The following NOTCH3 variants were observed in gnomAD, a reference collection of about 807,000 sequenced individuals.
NOTCH3 encodes neurogenic locus notch homolog protein 3.
In NOTCH3, 86 loss-of-function variants were observed where a neutral mutation model predicts 213.3. The observed-to-expected ratio is 0.40, with a 90% CI of 0.34 to 0.48. The LOEUF (loss-of-function observed/expected upper bound fraction) is 0.48, where lower values mean the gene tolerates loss of function less well. Among genes scored for constraint, NOTCH3 ranks in the 20% least tolerant of loss-of-function variants. The pLI is 0.57. For missense variants in NOTCH3, 2,783 were observed against 3,272.6 expected (o/e 0.85, Z 3.65); for synonymous variants, 1,354 against 1,355.9 (o/e 1.00, Z 0.03).
At position 15,184,940 on chromosome 19, in the gene NOTCH3, C is replaced by A. The variant is rs2145428606; in HGVS notation, c.2376G>T (p.Gln792His). The A allele has an allele frequency of 6.5e-7, 1 of 1,549,850 alleles. No homozygotes were observed. ...HGGRCESAPGQLPVCSCPQGW... is the reference protein window; with the variant it reads ...HGGRCESAPGHLPVCSCPQGW... ...CCTGGGGGCAGGAGCAGACAGGCAG[C>A]TGGCCAGGGGCAGACTCGCAGCGGC... The change falls in exon 15 of 33, where the codon CAG becomes CAT. Residue 792 changes from glutamine to histidine, a missense_variant. Physicochemically the swap from Gln to His is conservative, Grantham distance 24. This residue lies in a region of NOTCH3 where 861 missense variants were observed against 909.1 expected (regional missense o/e 0.95). Transcript: ENST00000263388.
At chr19:15,195,287 T>G (rs1362718753) in intron 2 of NOTCH3, among the ~76,000 whole-genome samples, 2 of 151,684 alleles carry the variant, frequency 1.3e-5, no homozygotes, top group Non-Finnish European at 2.9e-5. Context: ...GGGGGGGTGG[T>G]CCTTCAACCT....
In NOTCH3 at chr19:15,167,266, A is replaced by G. The variant is rs2145394554; in HGVS notation, c.5345T>C (p.Val1782Ala). Reference protein sequence around the residue: ...QGDADADGMDVNVRGPDGFTP... With the variant: ...QGDADADGMDANVRGPDGFTP... ...TCACTAACCTGGGCCACGCACATTGACATCCATGCCATCAGCATCTGCGTC... is the reference window on the plus strand; with the variant it reads ...TCACTAACCTGGGCCACGCACATTGGCATCCATGCCATCAGCATCTGCGTC... The change falls in exon 29 of 33, where the codon GTC (valine) becomes GCC (alanine). Residue 1782 changes from valine to alanine, a missense_variant. Val to Ala is a moderately conservative substitution (Grantham distance 64). Transcript: ENST00000263388. The G allele has an allele frequency of 6.2e-7, 1 of 1,612,970 alleles. No individual in the cohort carries two copies. Among genetic ancestry groups the G allele is most frequent in the East Asian group, 2.2e-5 (1 of 44,828 alleles).
In NOTCH3 at chr19:15,189,256, G is replaced by GGA. The variant is rs2046909182; in HGVS notation, c.1192+16_1192+17insTC. ...CCTCTTTCCCAGCCCATTCACAGAC[G>GGA]ATGGAGCTCCCCTCACCGATAGAGC... On this transcript the variant is annotated intron_variant, in intron 7 of 32. Transcript: ENST00000263388. The GGA allele has an allele frequency of 1.9e-6, 3 of 1,613,918 alleles. No homozygotes were observed. The highest frequency in any genetic ancestry group is 2.5e-6 in the Non-Finnish European group (3 of 1,180,016).
In NOTCH3 at chr19:15,190,775, T is replaced by G. The variant is rs2046920693; in HGVS notation, c.1036+649A>C. Among the ~76,000 whole-genome samples the G allele has an allele frequency of 2.6e-5, 4 of 152,134 alleles. No individual in the cohort carries two copies. In the South Asian group the frequency reaches 6.2e-4, roughly 24 times the overall value. ...TAATTTTTTGTATTTTTGGTAGAGA[T>G]AGGGTTTTGCCATGTTGCCCAGGCT... is the stretch of plus-strand genomic sequence containing the variant. On this transcript the variant is annotated intron_variant, in intron 6 of 32. Coordinates refer to ENST00000263388, the MANE Select transcript of NOTCH3 (RefSeq NM_000435.3).
Position 15,191,456 on chromosome 19 carries a change from G to C in NOTCH3, c.1004C>G (p.Ser335Cys), listed in dbSNP as rs2145439640. 1 of 1,613,504 alleles carries C rather than the reference G, an allele frequency of 6.2e-7. No individual in the cohort carries two copies. Among genetic ancestry groups the C allele is most frequent in the Non-Finnish European group, 8.5e-7 (1 of 1,180,030 alleles). The change falls in exon 6 of 33, where the codon TCT becomes TGT. Residue 335 changes from serine (S) to cysteine (C), a missense_variant. By Grantham distance (112) the Ser-to-Cys change is moderately radical. This residue lies in a region of NOTCH3 where 708 missense variants were observed against 906.6 expected (regional missense o/e 0.78). Coordinates refer to ENST00000263388, the MANE Select transcript of NOTCH3 (RefSeq NM_000435.3). ...HGATCHDRVASFYCACPMGKT... is the reference protein window; with the variant it reads ...HGATCHDRVACFYCACPMGKT... ...GCCCATGGGGCAGGCACAGTAGAAA[G>C]AAGCCACGCGGTCATGGCAGGTGGC...
In NOTCH3 at chr19:15,174,070, G is replaced by T; in HGVS notation, c.4734C>A (p.Ile1578=). The T allele has an allele frequency of 1.3e-6, 2 of 1,566,806 alleles. No individual in the cohort carries two copies. The highest frequency in any genetic ancestry group is 8.7e-7 in the Non-Finnish European group (1 of 1,152,152). Residue 1578 remains isoleucine, a splice_region_variant and synonymous_variant, in exon 25 of 33, where the codon ATC becomes ATA. Transcript: ENST00000263388. ...RARRELAPEV[I]GSVVMLEIDN... ...CTTTTCCAGGTGGGGTCACTCACCC[G>T]ATCACCTCGGGGGCCAGCTCCCGAC...
Position 15,174,312 on chromosome 19 carries a change from G to A in NOTCH3, c.4492C>T (p.Leu1498=). The A allele has an allele frequency of 4.5e-6, 7 of 1,553,840 alleles. No homozygotes were observed. The highest frequency in any genetic ancestry group is 6.1e-6 in the Non-Finnish European group (7 of 1,149,786). The change falls in exon 25 of 33, where the codon CTG becomes TTG. Residue 1498 remains leucine (L), a synonymous_variant. Transcript: ENST00000263388. The part of the protein sequence containing the change: ...CNTEECGWDG[L]DCASEVPALL... ...GCCGGCACCTCGCTGGCACAATCCA[G>A]CCCATCCCAGCCGCACTCCTCCGTG...
chr19:15,162,938 C>T (rs757475), intron 31 of NOTCH3, among the ~76,000 whole-genome samples: 136,973 of 152,126 alleles, frequency 0.9, 61,972 homozygotes, highest in African/African-American at 0.97. Context: ...GTGTCTTGTT[C>T]TGTCACCCAG....
intron 24 of NOTCH3, among the ~76,000 whole-genome samples, chr19:15,176,980 G>A (rs910926914): frequency 6.0e-5 from 9 of 151,236 alleles, no homozygotes; most frequent in African/African-American, 2.2e-4. Flanking sequence ...GCTGAGGCAG[G>A]AGAATCGCTT....
Position 15,186,417 on chromosome 19 carries a change from G to GTGTT in NOTCH3, c.1951+457_1951+460dup, listed in dbSNP as rs1401167815. 4.8e-5 allele frequency among the ~76,000 whole-genome samples: 6 copies of GTGTT among 124,298 alleles called. No individual in the cohort carries two copies. In the East Asian group the frequency reaches 1.5e-3, roughly 31 times the overall value. 81.5% of individuals were successfully genotyped at this position (124,298 alleles called of 152,430 possible). A position where few individuals can be genotyped will look rare whatever the true frequency, so the allele number is the denominator to read the frequency against. ...TGTGTGTGTGTGTGTGTGTGTGTGT[G>GTGTT]TGTTTGAAATGAAGTCTCACTCTGT... On this transcript the variant is annotated intron_variant, in intron 12 of 32. Transcript: ENST00000263388.
chr19:15,198,752 C>CA (rs935582785), intron 1 of NOTCH3, among the ~76,000 whole-genome samples: 82 of 149,974 alleles, frequency 5.5e-4, no homozygotes, highest in Non-Finnish European at 9.5e-4. Flanking sequence ...ACTCCATCTC[C>CA]AAAAAAAAAT....
At chr19:15,176,832 G>C (rs2046794069) in intron 24 of NOTCH3, among the ~76,000 whole-genome samples, 1 of 149,738 alleles carries the variant, frequency 6.7e-6, no homozygotes, top group African/African-American at 2.5e-5. Context: ...CAGCACTTTG[G>C]GAGGCCAAGG....
intron 7 of NOTCH3, 48 bp from the exon 8 acceptor site, chr19:15,189,222 C>T (rs1249287767): frequency 1.2e-6 from 2 of 1,613,244 alleles, no homozygotes; most frequent in Admixed American, 3.3e-5. Flanking sequence ...CCGGGACCCC[C>T]TCCTCTCCCC....
At position 15,181,124 on chromosome 19, in the gene NOTCH3, T is replaced by C. The variant is rs754545176; in HGVS notation, c.2831A>G (p.Asn944Ser). 1.9e-5 allele frequency: 31 copies of C among 1,608,150 alleles called. No individual in the cohort carries two copies. In the Admixed American group the frequency reaches 5.1e-4, roughly 26 times the overall value. The change falls in exon 18 of 33, where the codon AAC becomes AGC. Residue 944 changes from asparagine (N) to serine (S), a missense_variant. Physicochemically the swap from Asn to Ser is conservative, Grantham distance 46. Coordinates refer to ENST00000263388, the MANE Select transcript of NOTCH3 (RefSeq NM_000435.3). ...GGGACGGCACAGGCAGCTGAACGAGTTCACGCCGTCCACACAGGTCCCGCC... is the reference window on the plus strand; with the variant it reads ...GGGACGGCACAGGCAGCTGAACGAGCTCACGCCGTCCACACAGGTCCCGCC... ...FNGGTCVDGV[N>S]SFSCLCRPGY...
Position 15,188,999 on chromosome 19 carries a change from G to A in NOTCH3, c.1368C>T (p.Ile456=). ...CLDRIGQFTC[I]CMAGFTGTYC... ...ACGCCCACCACCCACCTGCCATACA[G>A]ATACAGGTGAACTGGCCTATGCGGT... The change falls in exon 8 of 33, where the codon ATC becomes ATT. Residue 456 remains isoleucine (I), a synonymous_variant. Coordinates refer to ENST00000263388, the MANE Select transcript of NOTCH3 (RefSeq NM_000435.3). 6.2e-7 allele frequency: 1 copy of A among 1,610,652 alleles called. No individual in the cohort carries two copies. The highest frequency in any genetic ancestry group is 8.5e-7 in the Non-Finnish European group (1 of 1,178,880).
chr19:15,169,946 C>T, intron 28 of NOTCH3, 140 bp downstream of exon 28: 4 of 632,854 alleles, frequency 6.3e-6, no homozygotes, highest in Non-Finnish European at 1.1e-5. Flanking sequence ...GGTTGCAAAG[C>T]TGGGACTATT....
At chr19:15,200,341 C>T (rs2047002445) in intron 1 of NOTCH3, among the ~76,000 whole-genome samples, 1 of 151,608 alleles carries the variant, frequency 6.6e-6, no homozygotes, top group South Asian at 2.1e-4. Context: ...CCTCCCCACC[C>T]CCCGCCTGGC....
chr19:15,186,053 C>T (rs1023606800), intron 12 of NOTCH3, among the ~76,000 whole-genome samples: 1 of 151,946 alleles, frequency 6.6e-6, no homozygotes, highest in Non-Finnish European at 1.5e-5. Context: ...ACTACAGTTG[C>T]GCACCACCAC....
rs1042526546 is a variant in NOTCH3, at chr19:15,189,256, G to A, written c.1192+17C>T. On this transcript the variant is annotated intron_variant, in intron 7 of 32. Coordinates refer to ENST00000263388, the MANE Select transcript of NOTCH3 (RefSeq NM_000435.3). ...CCTCTTTCCCAGCCCATTCACAGACGATGGAGCTCCCCTCACCGATAGAGC... is the reference window on the plus strand; with the variant it reads ...CCTCTTTCCCAGCCCATTCACAGACAATGGAGCTCCCCTCACCGATAGAGC... The A allele has an allele frequency of 1.2e-6, 2 of 1,613,800 alleles. No homozygotes were observed. Among genetic ancestry groups the A allele is most frequent in the South Asian group, 1.1e-5 (1 of 91,084 alleles).
Sources: allele counts gnomAD v4.1 joint callset (sites outside exome capture counted in the v4.1 genomes callset), GRCh38; gene constraint gnomAD v4.1.1; regional missense constraint gnomAD v4.1.1; transcripts MANE v1.5; gene names NCBI Gene and HGNC (gene_info 2026-07-23, HGNC 2026-07-21).